The following AIF1L variants were observed in gnomAD, a reference collection of about 807,000 sequenced individuals.
The protein encoded by AIF1L is allograft inflammatory factor 1-like.
In AIF1L, 12 loss-of-function variants were observed where a neutral mutation model predicts 20.7. The ratio of observed to expected loss-of-function variants is 0.58; its 90% CI spans 0.37 to 0.94. The LOEUF (loss-of-function observed/expected upper bound fraction) is 0.94. Ranked by LOEUF, AIF1L falls within the 40% of genes least tolerant of loss-of-function variation. The pLI, the probability that AIF1L is intolerant of heterozygous loss-of-function variation, is 0.01. For synonymous variants in AIF1L, 76 were observed against 65.1 expected, an observed-to-expected ratio of 1.17 and a Z score of -0.81; for missense variants, 173 against 185.3, an observed-to-expected ratio of 0.93 and a Z score of 0.39.
At chr9:131,104,701 T>A (rs2133381264) in intron 2 of AIF1L, among the ~76,000 whole-genome samples, 1 of 152,308 alleles carries the variant, frequency 6.6e-6, no homozygotes, top group East Asian at 1.9e-4. Context: ...TGTATGGGCA[T>A]AAGTATTAGA....
chr9:131,120,156 G>T, intron 5 of AIF1L, 79 bp from the exon 6 acceptor site: 2 of 1,380,480 alleles, frequency 1.4e-6, no homozygotes, highest in Non-Finnish European at 1.0e-6. Context: ...CATGAGGCTG[G>T]GATGATCTTT....
chr9:131,096,876 C>T lies in AIF1L; in HGVS notation c.93+13C>T. ...CGAGATCAACCGGGTAAGCCCCGCG[C>T]CCAGGGCAGCACGCGAGTCCCGAGC... On this transcript the variant is annotated intron_variant, in intron 2 of 5. Coordinates refer to ENST00000247291, the MANE Select transcript of AIF1L (RefSeq NM_031426.4). 1 of 1,528,616 alleles carries T rather than the reference C, an allele frequency of 6.5e-7. No individual in the cohort carries two copies. Among genetic ancestry groups the T allele is most frequent in the African/African-American group, 1.4e-5 (1 of 70,850 alleles). 94.7% of individuals were successfully genotyped at this position (1,528,616 alleles called of 1,614,324 possible). A position where few individuals can be genotyped will look rare whatever the true frequency, so the allele number is the denominator to read the frequency against.
rs569499878 is a variant in AIF1L at position 131,116,324 on chromosome 9, C to T, written c.203-1432C>T. Among the ~76,000 whole-genome samples, 26 of 152,166 alleles carry T rather than the reference C, an allele frequency of 1.7e-4. 1 individual carries two copies. The South Asian group carries it at 3.3e-3, about 19-fold the overall frequency. On this transcript the variant is annotated intron_variant, in intron 4 of 5. Transcript: ENST00000247291. ...TGTTGCCCAGGCTGGAGTGCAGTGGCACAATCTTGGCTCACTGCATCCTCA... is the reference window on the plus strand; with the variant it reads ...TGTTGCCCAGGCTGGAGTGCAGTGGTACAATCTTGGCTCACTGCATCCTCA...
At chr9:131,107,459 C>G (rs4740415) in intron 2 of AIF1L, among the ~76,000 whole-genome samples, 35,717 of 152,182 alleles carry the variant, frequency 0.23, 4,651 homozygotes, top group East Asian at 0.33. Flanking sequence ...GCTGGGACAG[C>G]CCCTCCAAAT....
intron 2 of AIF1L, among the ~76,000 whole-genome samples, chr9:131,097,169 G>C (rs1454245668): frequency 2.0e-5 from 3 of 152,216 alleles, no homozygotes; most frequent in Non-Finnish European, 4.4e-5. Flanking sequence ...GCCCGCTTGG[G>C]AGCAGCCCAA....
At chr9:131,109,770 T>G (rs767020682) in intron 2 of AIF1L, among the ~76,000 whole-genome samples, 2 of 152,252 alleles carry the variant, frequency 1.3e-5, no homozygotes, top group African/African-American at 4.8e-5. Context: ...TGCTGTAAGG[T>G]CAGAGACCAG....
rs577271313 is a variant in AIF1L, at chr9:131,111,761, G to A, written c.160+98G>A. 3.2e-6 allele frequency: 4 copies of A among 1,239,474 alleles called. No individual in the cohort carries two copies. In the East Asian group the frequency reaches 7.0e-5, roughly 22 times the overall value. The allele number at this position is 1,239,474 out of a possible 1,614,324, so 76.8% of individuals were successfully genotyped here. ...CCCCTCAGCCCCACAGGACTAGGCT[G>A]TGGCCCTGTTTTGTCCAGAATGCCC... On this transcript the variant is annotated intron_variant, in intron 3 of 5. Coordinates refer to ENST00000247291, the MANE Select transcript of AIF1L (RefSeq NM_031426.4).
At chr9:131,105,184 C>A (rs1199120429) in intron 2 of AIF1L, among the ~76,000 whole-genome samples, 2 of 152,108 alleles carry the variant, frequency 1.3e-5, no homozygotes, top group African/African-American at 4.8e-5. Flanking sequence ...GTGGAGCAGG[C>A]GTGGCAGCCT....
At position 131,097,131 on chromosome 9, in the gene AIF1L, A is replaced by T. The variant is rs142808949; in HGVS notation, c.93+268A>T. Among the ~76,000 whole-genome samples the T allele has an allele frequency of 3.3e-5, 5 of 152,046 alleles. No individual in the cohort carries two copies. The East Asian group carries it at 9.8e-4, about 30-fold the overall frequency. ...AGGTGGGGCCGGGTCAGGAGCTCGG[A>T]TGCCAGCCGGCTCGTGGCTCCCCGC... On this transcript the variant is annotated intron_variant, in intron 2 of 5. Coordinates refer to ENST00000247291, the MANE Select transcript of AIF1L (RefSeq NM_031426.4).
chr9:131,100,289 T>C (rs1588178584), intron 2 of AIF1L, among the ~76,000 whole-genome samples: 1 of 151,796 alleles, frequency 6.6e-6, no homozygotes, highest in South Asian at 2.1e-4. Context: ...GGAAGGGAGG[T>C]GGGGGAGCCG....
At chr9:131,119,401 T>C (rs997359204) in intron 5 of AIF1L, among the ~76,000 whole-genome samples, 7 of 151,516 alleles carry the variant, frequency 4.6e-5, no homozygotes, top group African/African-American at 1.7e-4. Flanking sequence ...CTCGGGAGGC[T>C]GAGGCAGGAG....
Position 131,120,550 on chromosome 9 carries a change from G to A in AIF1L, c.*228G>A, listed in dbSNP as rs530892506. 8 of 478,894 alleles carry A rather than the reference G, an allele frequency of 1.7e-5. 1 individual carries two copies. Among genetic ancestry groups the A allele is most frequent in the South Asian group, 1.4e-4 (4 of 28,454 alleles). 29.7% of individuals were successfully genotyped at this position (478,894 alleles called of 1,614,324 possible). ...TCCCTCTCTTCTTCCCTCCTTCCCCGCTCCCTGTGCAGAAGGGCTGACATC... is the reference window on the plus strand; with the variant it reads ...TCCCTCTCTTCTTCCCTCCTTCCCCACTCCCTGTGCAGAAGGGCTGACATC... On this transcript the variant is annotated 3_prime_UTR_variant, in exon 6 of 6. Transcript: ENST00000247291.
chr9:131,105,022 T>C (rs1830715874), intron 2 of AIF1L, among the ~76,000 whole-genome samples: 1 of 152,170 alleles, frequency 6.6e-6, no homozygotes, highest in Non-Finnish European at 1.5e-5. Flanking sequence ...CTTCTATCTC[T>C]GTCTCCTCTG....
intron 2 of AIF1L, chr9:131,111,396 C>A: frequency 1.7e-6 from 1 of 589,974 alleles, no homozygotes; most frequent in South Asian, 2.1e-5. Flanking sequence ...CCCCAAGCTG[C>A]TGGGCAAACT....
intron 2 of AIF1L, among the ~76,000 whole-genome samples, chr9:131,098,919 G>A (rs1298601755): frequency 6.6e-6 from 1 of 152,166 alleles, no homozygotes; most frequent in East Asian, 1.9e-4. Flanking sequence ...GGGCTGCTGA[G>A]GCCCAGGATC....
intron 3 of AIF1L, among the ~76,000 whole-genome samples, chr9:131,112,885 CAG>C (rs1244968553): frequency 6.6e-6 from 1 of 152,094 alleles, no homozygotes; most frequent in Non-Finnish European, 1.5e-5. Flanking sequence ...GCACGGGTCT[CAG>C]GGCTCTGGCA....
intron 3 of AIF1L, chr9:131,111,952 G>C (rs980855017): frequency 4.4e-5 from 20 of 452,584 alleles, no homozygotes; most frequent in Non-Finnish European, 7.3e-5. Context: ...GCTGGTTCCC[G>C]TCCGCCGCTG....
At chr9:131,110,039 G>A (rs868869027) in intron 2 of AIF1L, among the ~76,000 whole-genome samples, 2 of 152,094 alleles carry the variant, frequency 1.3e-5, no homozygotes, top group Admixed American at 1.3e-4. Context: ...GTGAAACCCT[G>A]TCTCTACAAA....
chr9:131,103,541 C>G (rs117431071), intron 2 of AIF1L, among the ~76,000 whole-genome samples: 2,866 of 152,264 alleles, frequency 0.019, 57 homozygotes, highest in South Asian at 0.046. Context: ...GCAGGCCAGG[C>G]ACTAAGGCAG....
Sources: gnomAD v4.1 joint callset for allele counts (sites outside exome capture counted in the v4.1 genomes callset) on GRCh38, gnomAD v4.1.1 for gene constraint, MANE v1.5 for transcripts, NCBI Gene and HGNC (gene_info 2026-07-23, HGNC 2026-07-21) for gene names.